Variants in CALHM5 observed in about 807,000 individuals in gnomAD.
The protein encoded by CALHM5 is calcium homeostasis modulator protein 5.
In CALHM5, 17 loss-of-function variants were observed where a neutral mutation model predicts 20.9. The ratio of observed to expected loss-of-function variants is 0.82; its 90% CI spans 0.56 to 1.22. CALHM5 has a LOEUF of 1.22. Among genes scored for constraint, CALHM5 ranks in the 50% most tolerant of loss-of-function variants. The probability of loss-of-function intolerance (pLI) is 0.00; values close to 1 mark genes in which losing one functional copy is unlikely to be tolerated. For synonymous variants in CALHM5, 148 were observed against 140.0 expected (o/e 1.06, Z -0.40); for missense variants, 360 against 364.6 (o/e 0.99, Z 0.10).
chr6:116,517,025 A>G lies in CALHM5; in HGVS notation c.*1036A>G, dbSNP rs1214061044. ...GCATGCTCAGGTTCTGGTGAGAGCAATTTTCCAGGTTGCAAACTGCTTGCT... is the reference window on the plus strand; with the variant it reads ...GCATGCTCAGGTTCTGGTGAGAGCAGTTTTCCAGGTTGCAAACTGCTTGCT... On this transcript the variant is annotated 3_prime_UTR_variant, in exon 2 of 2. Coordinates refer to ENST00000368599, the MANE Select transcript of CALHM5 (RefSeq NM_153711.5). 2 of 152,144 alleles carry G rather than the reference A, an allele frequency of 1.3e-5. No homozygotes were observed. The highest frequency in any genetic ancestry group is 2.9e-5 in the Non-Finnish European group (2 of 68,116). 9.4% of individuals were successfully genotyped at this position (152,144 alleles called of 1,614,324 possible). A position where few individuals can be genotyped will look rare whatever the true frequency, so the allele number is the denominator to read the frequency against.
At position 116,516,014 on chromosome 6, in the gene CALHM5, G is replaced by C. The variant is rs1291698765; in HGVS notation, c.*25G>C. 11 of 1,554,644 alleles carry C rather than the reference G, an allele frequency of 7.1e-6. No individual in the cohort carries two copies. The East Asian group carries it at 2.3e-4, about 32-fold the overall frequency. On this transcript the variant is annotated 3_prime_UTR_variant, in exon 2 of 2. Transcript: ENST00000368599. ...GCTCATCCACCATCAATGACTCATG[G>C]TGTTGAGTGGCATGCTCATTCTGTG...
At position 116,516,036 on chromosome 6, in the gene CALHM5, T is replaced by C. The variant is rs779098253; in HGVS notation, c.*47T>C. 8.5e-6 allele frequency: 13 copies of C among 1,531,414 alleles called. No homozygotes were observed. In the South Asian group the frequency reaches 1.4e-4, roughly 17 times the overall value. 94.9% of individuals were successfully genotyped at this position (1,531,414 alleles called of 1,614,324 possible). A position where few individuals can be genotyped will look rare whatever the true frequency, so the allele number is the denominator to read the frequency against. ...ATGGTGTTGAGTGGCATGCTCATTC[T>C]GTGATCCTCCTAACGTATCACCAGC... On this transcript the variant is annotated 3_prime_UTR_variant, in exon 2 of 2. Transcript: ENST00000368599.
chr6:116,515,511 A>G, intron 1 of CALHM5, 89 bp from the exon 2 acceptor site: 1 of 1,332,224 alleles, frequency 7.5e-7, no homozygotes, highest in African/African-American at 1.5e-5. Flanking sequence ...GACTGTGGTA[A>G]TAATTTAGCT....
In CALHM5 at chr6:116,515,790, G is replaced by GT. The variant is rs768528441; in HGVS notation, c.738dup (p.Glu247Ter). 12 of 1,613,800 alleles carry GT rather than the reference G, an allele frequency of 7.4e-6. No homozygotes were observed. Among genetic ancestry groups the GT allele is most frequent in the South Asian group, 6.6e-5 (6 of 91,078 alleles). On this transcript the variant is annotated frameshift_variant, in exon 2 of 2. Coordinates refer to ENST00000368599, the MANE Select transcript of CALHM5 (RefSeq NM_153711.5). LOFTEE classifies it high-confidence loss of function. ...AAGCTGAGCGAGAGGAACCTGAAAT[G>GT]TTTTTTTGAAAACAAGAGGCCAGAT...
At position 116,520,530 on chromosome 6, in the gene CALHM5, C is replaced by G. The variant is rs1170229186; in HGVS notation, c.*4541C>G. On this transcript the variant is annotated 3_prime_UTR_variant, in exon 2 of 2. Coordinates refer to ENST00000368599, the MANE Select transcript of CALHM5 (RefSeq NM_153711.5). ...ATGGAAAGCATCTATCTGTGTTTGT[C>G]AGTAGCTCTCGATGTTGGCTGCAAA... 6.6e-6 allele frequency: 1 copy of G among 152,146 alleles called. No homozygotes were observed. The highest frequency in any genetic ancestry group is 1.9e-4 in the East Asian group (1 of 5,204). The allele number at this position is 152,146 out of a possible 1,614,324, so 9.4% of individuals were successfully genotyped here.
Position 116,522,303 on chromosome 6 carries a change from G to T in CALHM5, c.*6314G>T, listed in dbSNP as rs1288992349. On this transcript the variant is annotated 3_prime_UTR_variant, in exon 2 of 2. Transcript: ENST00000368599. ...CTTGCCATGTCCTATCCAACTCCAT[G>T]ACCCCAAAAATCATGAGCTTAAATA... 1.3e-5 allele frequency: 2 copies of T among 152,160 alleles called. No individual in the cohort carries two copies. The highest frequency in any genetic ancestry group is 2.9e-5 in the Non-Finnish European group (2 of 68,030). The allele number at this position is 152,160 out of a possible 1,614,324, so 9.4% of individuals were successfully genotyped here. A position where few individuals can be genotyped will look rare whatever the true frequency, so the allele number is the denominator to read the frequency against.
rs1216019787 is a variant in CALHM5, at chr6:116,521,096, G to A, written c.*5107G>A. ...TACATATATATGTGTGTGCATGTGTGTGTGTGTATGCGTGTATATATATAT... is the reference window on the plus strand; with the variant it reads ...TACATATATATGTGTGTGCATGTGTATGTGTGTATGCGTGTATATATATAT... On this transcript the variant is annotated 3_prime_UTR_variant, in exon 2 of 2. Transcript: ENST00000368599. The A allele has an allele frequency of 1.3e-5, 2 of 151,766 alleles. No homozygotes were observed. Among genetic ancestry groups the A allele is most frequent in the Non-Finnish European group, 2.9e-5 (2 of 67,972 alleles). 9.4% of individuals were successfully genotyped at this position (151,766 alleles called of 1,614,324 possible). A position where few individuals can be genotyped will look rare whatever the true frequency, so the allele number is the denominator to read the frequency against.
chr6:116,513,938 C>G (rs1772173626), intron 1 of CALHM5, among the ~76,000 whole-genome samples: 1 of 152,048 alleles, frequency 6.6e-6, no homozygotes, highest in African/African-American at 2.4e-5. Context: ...TCTTTGAGTC[C>G]CAGTTTTCTC....
chr6:116,515,023 A>G (rs1772195538), intron 1 of CALHM5, among the ~76,000 whole-genome samples: 1 of 152,224 alleles, frequency 6.6e-6, no homozygotes, highest in Non-Finnish European at 1.5e-5. Flanking sequence ...TTTTCTAATT[A>G]CCAAAAATCA....
At position 116,516,140 on chromosome 6, in the gene CALHM5, C is replaced by G; in HGVS notation, c.*151C>G. The G allele has an allele frequency of 9.5e-7, 1 of 1,054,030 alleles. No individual in the cohort carries two copies. The highest frequency in any genetic ancestry group is 1.3e-6 in the Non-Finnish European group (1 of 771,734). The allele number at this position is 1,054,030 out of a possible 1,614,324, so 65.3% of individuals were successfully genotyped here. A position where few individuals can be genotyped will look rare whatever the true frequency, so the allele number is the denominator to read the frequency against. On this transcript the variant is annotated 3_prime_UTR_variant, in exon 2 of 2. Transcript: ENST00000368599. The stretch of plus-strand genomic sequence containing the variant: ...ACACAAAGGAAACTGCTTTGAAGCT[C>G]TCAAGTGGAACATCAGGATGTGCTC...
In CALHM5 at chr6:116,522,776, A is replaced by C. The variant is rs1471307637; in HGVS notation, c.*6787A>C. 1 of 152,176 alleles carries C rather than the reference A, an allele frequency of 6.6e-6. No individual in the cohort carries two copies. The highest frequency in any genetic ancestry group is 1.5e-5 in the Non-Finnish European group (1 of 68,020). 9.4% of individuals were successfully genotyped at this position (152,176 alleles called of 1,614,324 possible). ...GAGATTGTTCTTCTAGTCGTCTCTC[A>C]AAATGTTATCTTCAGACTGTCAACA... On this transcript the variant is annotated 3_prime_UTR_variant, in exon 2 of 2. Transcript: ENST00000368599.
Position 116,511,882 on chromosome 6 carries a change from A to G in CALHM5, c.186A>G (p.Leu62=). The G allele has an allele frequency of 6.2e-7, 1 of 1,613,972 alleles. No individual in the cohort carries two copies. Among genetic ancestry groups the G allele is most frequent in the African/African-American group, 1.3e-5 (1 of 74,986 alleles). The change falls in exon 1 of 2, where the codon TTA becomes TTG. Residue 62 remains leucine (L), a synonymous_variant. Transcript: ENST00000368599. ...LVFLFAPAWV[L]LILGFFLNNR... Reference sequence around the variant, plus strand: ...TCCTCTTTGCTCCTGCCTGGGTGTTACTGATCCTGGGATTCTTTCTGAACA... The same window carrying G: ...TCCTCTTTGCTCCTGCCTGGGTGTTGCTGATCCTGGGATTCTTTCTGAACA...
rs771090100 is a variant in CALHM5, at chr6:116,515,817, C to G, written c.758C>G (p.Pro253Arg). ...TTTTTTGAAAACAAGAGGCCAGATC[C>G]TTTTCCCATGCCTACGTTTGCTGCC... ...KCFFENKRPD[P>R]FPMPTFAAWE... Residue 253 changes from proline (P) to arginine (R), a missense_variant, in exon 2 of 2, where the codon CCT (proline) becomes CGT (arginine). Pro to Arg is a moderately radical substitution (Grantham distance 103, BLOSUM62 -2). Coordinates refer to ENST00000368599, the MANE Select transcript of CALHM5 (RefSeq NM_153711.5). 6.2e-7 allele frequency: 1 copy of G among 1,613,988 alleles called. No homozygotes were observed. Among genetic ancestry groups the G allele is most frequent in the Non-Finnish European group, 8.5e-7 (1 of 1,179,930 alleles).
intron 1 of CALHM5, 141 bp downstream of exon 1, chr6:116,512,377 C>A: frequency 1.0e-6 from 1 of 972,352 alleles, no homozygotes; most frequent in Non-Finnish European, 1.5e-6. Flanking sequence ...AGCATTGAGA[C>A]TATCTCAGGA....
chr6:116,519,473 T>G lies in CALHM5; in HGVS notation c.*3484T>G, dbSNP rs187590270. ...CCAAGGGTGATCCTCCAGAGGAGGT[T>G]ACACTGCCGAACTGGGACATTGGCA... On this transcript the variant is annotated 3_prime_UTR_variant, in exon 2 of 2. Coordinates refer to ENST00000368599, the MANE Select transcript of CALHM5 (RefSeq NM_153711.5). The G allele has an allele frequency of 4.6e-5, 7 of 152,306 alleles. No homozygotes were observed. In the East Asian group the frequency reaches 1.4e-3, roughly 29 times the overall value. 9.4% of individuals were successfully genotyped at this position (152,306 alleles called of 1,614,324 possible). A position where few individuals can be genotyped will look rare whatever the true frequency, so the allele number is the denominator to read the frequency against.
rs764457177 is a variant in CALHM5 at position 116,515,842 on chromosome 6, C to T, written c.783C>T (p.Ala261=). The T allele has an allele frequency of 2.5e-6, 4 of 1,613,866 alleles. No individual in the cohort carries two copies. The highest frequency in any genetic ancestry group is 2.7e-5 in the African/African-American group (2 of 74,886). ...PDPFPMPTFA[A]WEAASELHSF... is the part of the protein sequence containing the mutation. ...CTTTTCCCATGCCTACGTTTGCTGC[C>T]TGGGAGGCTGCTTCAGAGCTGCATT... Residue 261 remains alanine (A), a synonymous_variant, in exon 2 of 2, where the codon GCC becomes GCT. Transcript: ENST00000368599.
Position 116,515,714 on chromosome 6 carries a change from G to A in CALHM5, c.655G>A (p.Ala219Thr). ...TCAGCTGAGTTTTTGGAAGACATATGCACAAAAGGAGAAGGAGCAGTTGGA... is the reference window on the plus strand; with the variant it reads ...TCAGCTGAGTTTTTGGAAGACATATACACAAAAGGAGAAGGAGCAGTTGGA... ...YLQLSFWKTY[A>T]QKEKEQLENT... Residue 219 changes from alanine (A) to threonine (T), a missense_variant, in exon 2 of 2, where the codon GCA (alanine) becomes ACA (threonine). Transcript: ENST00000368599. 3 of 1,613,976 alleles carry A rather than the reference G, an allele frequency of 1.9e-6. No individual in the cohort carries two copies. Among genetic ancestry groups the A allele is most frequent in the Non-Finnish European group, 1.7e-6 (2 of 1,179,922 alleles).
chr6:116,520,769 T>C lies in CALHM5; in HGVS notation c.*4780T>C, dbSNP rs931849439. The C allele has an allele frequency of 5.3e-5, 8 of 152,356 alleles. No homozygotes were observed. Among genetic ancestry groups the C allele is most frequent in the African/African-American group, 1.9e-4 (8 of 41,410 alleles). 9.4% of individuals were successfully genotyped at this position (152,356 alleles called of 1,614,324 possible). A position where few individuals can be genotyped will look rare whatever the true frequency, so the allele number is the denominator to read the frequency against. ...CTGTGAGGTTGAAATATTGGAAATGTTATCTGGATTTCAAACAGTAGAGTA... is the reference window on the plus strand; with the variant it reads ...CTGTGAGGTTGAAATATTGGAAATGCTATCTGGATTTCAAACAGTAGAGTA... On this transcript the variant is annotated 3_prime_UTR_variant, in exon 2 of 2. Transcript: ENST00000368599.
intron 1 of CALHM5, among the ~76,000 whole-genome samples, chr6:116,513,775 G>A (rs774153856): frequency 6.6e-6 from 1 of 152,070 alleles, no homozygotes; most frequent in Non-Finnish European, 1.5e-5. Flanking sequence ...CCATGGGTGG[G>A]GCAGATAAAA....
Sources: allele counts gnomAD v4.1 joint callset (sites outside exome capture counted in the v4.1 genomes callset), GRCh38; gene constraint gnomAD v4.1.1; transcripts MANE v1.5; gene names NCBI Gene and HGNC (gene_info 2026-07-23, HGNC 2026-07-21).